Variants in GNB4 observed in about 807,000 individuals in gnomAD.
GNB4 encodes the protein G protein subunit beta 4, also known as guanine nucleotide-binding protein subunit beta-4.
In GNB4, 28 loss-of-function variants were observed where a neutral mutation model predicts 45.2. That is an observed-to-expected ratio of 0.62 (90% CI 0.46 to 0.85). The LOEUF (loss-of-function observed/expected upper bound fraction) is 0.85, where lower values mean the gene tolerates loss of function less well. Among genes scored for constraint, GNB4 ranks in the 40% least tolerant of loss-of-function variants. The probability of loss-of-function intolerance (pLI) is 0.00; values close to 1 mark genes in which losing one functional copy is unlikely to be tolerated. For synonymous variants in GNB4, 132 were observed against 143.7 expected (o/e 0.92, Z 0.58); for missense variants, 321 against 425.4 (o/e 0.75, Z 2.16).
intron 1 of GNB4, among the ~76,000 whole-genome samples, chr3:179,436,727 A>G (rs923182985): frequency 5.3e-5 from 8 of 152,210 alleles, no homozygotes; most frequent in African/African-American, 1.9e-4. Flanking sequence ...GGGCAAGTGG[A>G]TAAGAGAGGA....
chr3:179,503,551 G>A, the GNB4 span, among the ~76,000 whole-genome samples: 4 of 152,212 alleles, frequency 2.6e-5, no homozygotes, highest in African/African-American at 9.7e-5. Flanking sequence ...AACAAAGACA[G>A]CCTCTGTCAT....
chr3:179,512,456 G>A, the GNB4 span, among the ~76,000 whole-genome samples: 1 of 151,816 alleles, frequency 6.6e-6, no homozygotes, highest in South Asian at 2.1e-4. Flanking sequence ...GCTTTCTACT[G>A]CCATTAAAAA....
intron 1 of GNB4, among the ~76,000 whole-genome samples, chr3:179,437,164 G>A (rs1715474214): frequency 6.6e-6 from 1 of 152,110 alleles, no homozygotes; most frequent in Non-Finnish European, 1.5e-5. Flanking sequence ...AAGTTTCCAG[G>A]TTTTAGAAAG....
At chr3:179,420,773 G>C (rs1714956370) in intron 3 of GNB4, 116 bp downstream of exon 3, 1 of 712,058 alleles carries the variant, frequency 1.4e-6, no homozygotes, top group Non-Finnish European at 2.5e-6. Context: ...TTTACACAGA[G>C]ATTTCATTTA....
chr3:179,465,875 A>G, the GNB4 span, among the ~76,000 whole-genome samples: 1 of 123,252 alleles, frequency 8.1e-6, no homozygotes, highest in Admixed American at 1.0e-4. Context: ...CTGGGCTGGT[A>G]TTGAACTCCT....
chr3:179,398,972 C>G lies in GNB4; in HGVS notation c.*2241G>C, dbSNP rs1024091058. On this transcript the variant is annotated 3_prime_UTR_variant, in exon 10 of 10. Transcript: ENST00000232564. Reference sequence around the variant, plus strand: ...CATAGAATTCCTGTGGTCTGTATGCCTGTGACTACTATAATAACTTTTAAG... The same window carrying G: ...CATAGAATTCCTGTGGTCTGTATGCGTGTGACTACTATAATAACTTTTAAG... 3 of 152,024 alleles carry G rather than the reference C, an allele frequency of 2.0e-5. No individual in the cohort carries two copies. Among genetic ancestry groups the G allele is most frequent in the Non-Finnish European group, 4.4e-5 (3 of 67,990 alleles). The allele number at this position is 152,024 out of a possible 1,614,324, so 9.4% of individuals were successfully genotyped here.
At chr3:179,462,057 G>T in the GNB4 span, among the ~76,000 whole-genome samples, 1 of 152,108 alleles carries the variant, frequency 6.6e-6, no homozygotes, top group East Asian at 1.9e-4. Context: ...CTATAATCTG[G>T]CCCCAACCTG....
rs770241406 is a variant in GNB4 at position 179,405,354 on chromosome 3, C to T, written c.752G>A (p.Arg251Gln). ...TTGATCTGCACGAAGGTCAAAGAGC[C>T]GGCAAGTGGCATCATCAGAGCCAGT... ...FATGSDDATCRLFDLRADQEL... is the reference protein window; with the variant it reads ...FATGSDDATCQLFDLRADQEL... Residue 251 changes from arginine to glutamine, a missense_variant, in exon 9 of 10, where the codon CGG (arginine) becomes CAG (glutamine). Coordinates refer to ENST00000232564, the MANE Select transcript of GNB4 (RefSeq NM_021629.4). 12 of 1,613,700 alleles carry T rather than the reference C, an allele frequency of 7.4e-6. No individual in the cohort carries two copies. Among genetic ancestry groups the T allele is most frequent in the Middle Eastern group, 1.6e-4 (1 of 6,080 alleles).
At chr3:179,419,903 A>T (rs1368957618) in intron 3 of GNB4, among the ~76,000 whole-genome samples, 3 of 152,018 alleles carry the variant, frequency 2.0e-5, no homozygotes, top group Non-Finnish European at 4.4e-5. Flanking sequence ...CACATAAAAT[A>T]CTTCCTTAAT....
the GNB4 span, among the ~76,000 whole-genome samples, chr3:179,469,005 C>T: frequency 6.6e-6 from 1 of 152,190 alleles, no homozygotes; most frequent in Non-Finnish European, 1.5e-5. Flanking sequence ...ACCCTTTCTT[C>T]TATGGATTCT....
the GNB4 span, among the ~76,000 whole-genome samples, chr3:179,462,684 C>T: frequency 6.6e-6 from 1 of 152,022 alleles, no homozygotes. Context: ...ACTAAAAATA[C>T]AAAATTAGCT....
At chr3:179,465,018 A>T in the GNB4 span, 4 of 1,521,496 alleles carry the variant, frequency 2.6e-6, no homozygotes, top group Non-Finnish European at 3.6e-6. Context: ...CCCGGAGGTG[A>T]TGCCACTGTT....
intron 1 of GNB4, among the ~76,000 whole-genome samples, chr3:179,430,220 AGCCCACAGGTGG>A (rs1256124357): frequency 6.6e-6 from 1 of 151,912 alleles, no homozygotes. Flanking sequence ...CAAGTAGCTG[AGCCCACAGGTGG>A]GCACTACCAC....
At chr3:179,436,374 G>C (rs1033065089) in intron 1 of GNB4, among the ~76,000 whole-genome samples, 1 of 152,130 alleles carries the variant, frequency 6.6e-6, no homozygotes, top group Non-Finnish European at 1.5e-5. Flanking sequence ...TGGGCAATGA[G>C]AGTGAAACTC....
At chr3:179,449,788 C>T (rs1471268411) in intron 1 of GNB4, among the ~76,000 whole-genome samples, 3 of 152,230 alleles carry the variant, frequency 2.0e-5, no homozygotes, top group Non-Finnish European at 4.4e-5. Flanking sequence ...ACTTCAATAA[C>T]ATGCCTAAGA....
intron 1 of GNB4, among the ~76,000 whole-genome samples, chr3:179,446,270 T>C (rs1004918055): frequency 6.6e-5 from 10 of 152,350 alleles, no homozygotes; most frequent in African/African-American, 1.2e-4. Context: ...CTGCTGGAGT[T>C]TGAACACTGG....
chr3:179,499,494 A>T, the GNB4 span, among the ~76,000 whole-genome samples: 2 of 152,168 alleles, frequency 1.3e-5, no homozygotes, highest in African/African-American at 4.8e-5. Context: ...TCTATCATTC[A>T]TGGGCATTTG....
chr3:179,462,837 C>A, the GNB4 span, among the ~76,000 whole-genome samples: 49,187 of 151,656 alleles, frequency 0.32, 8,560 homozygotes, highest in African/African-American at 0.46. Flanking sequence ...ACTCCGTCCC[C>A]AAAAAAAAAT....
the GNB4 span, among the ~76,000 whole-genome samples, chr3:179,484,475 G>A: frequency 8.9e-3 from 1,353 of 152,272 alleles, 31 homozygotes; most frequent in African/African-American, 0.031. Flanking sequence ...GCACAGCAGT[G>A]AAAAAATTGA....
Sources: allele counts gnomAD v4.1 joint callset (sites outside exome capture counted in the v4.1 genomes callset), GRCh38; gene constraint gnomAD v4.1.1; transcripts MANE v1.5; gene names NCBI Gene and HGNC (gene_info 2026-07-23, HGNC 2026-07-21).